FAM91A1: variants seen among roughly 807,000 people sequenced by gnomAD.
FAM91A1 encodes family with sequence similarity 91 member A1.
Under a neutral mutation model 113.5 loss-of-function variants are expected in FAM91A1, and 41 were observed. The observed-to-expected ratio is 0.36, with a 90% CI of 0.28 to 0.47. The LOEUF (loss-of-function observed/expected upper bound fraction) is 0.47. FAM91A1 is among the 20% of genes least tolerant of loss of function. The pLI is 1.00. For synonymous variants in FAM91A1, 307 were observed against 347.9 expected (o/e 0.88, Z 1.31); for missense variants, 696 against 1,001.2 (o/e 0.70, Z 4.11).
Position 123,786,543 on chromosome 8 carries a change from A to G in FAM91A1, c.1011A>G (p.Glu337=), listed in dbSNP as rs76243620. The part of the protein sequence containing the change: ...QKMLLSWDGG[E]SRSPVQEASS... ...TGCTCTTGTCATGGGATGGAGGGGA[A>G]AGTAGGAGTCCTGTACAAGAAGCTT... Residue 337 remains glutamate, a synonymous_variant, in exon 12 of 24, where the codon GAA becomes GAG. Transcript: ENST00000334705. The G allele has an allele frequency of 0.027, 44,094 of 1,613,730 alleles. 767 individuals are homozygous for G. Among genetic ancestry groups the G allele is most frequent in the South Asian group, 0.049 (4,499 of 91,054 alleles).
At chr8:123,789,207 C>T (rs1815325622) in intron 14 of FAM91A1, among the ~76,000 whole-genome samples, 1 of 152,126 alleles carries the variant, frequency 6.6e-6, no homozygotes, top group African/African-American at 2.4e-5. Flanking sequence ...TCACAGACTC[C>T]AGTGTCTCTT....
rs1330648802 is a variant in FAM91A1 at position 123,789,805 on chromosome 8, T to A, written c.1411+60T>A. The stretch of plus-strand genomic sequence containing the variant: ...CATATGAAACTTTTTTCTAAGAAAT[T>A]AAACAGATCATGCTCACTTATATAA... On this transcript the variant is annotated intron_variant, in intron 15 of 23. Transcript: ENST00000334705. 28 of 1,568,746 alleles carry A rather than the reference T, an allele frequency of 1.8e-5. No individual in the cohort carries two copies. In the South Asian group the frequency reaches 2.7e-4, roughly 15 times the overall value.
At chr8:123,797,493 T>G (rs1815557637) in intron 15 of FAM91A1, among the ~76,000 whole-genome samples, 1 of 152,198 alleles carries the variant, frequency 6.6e-6, no homozygotes, top group African/African-American at 2.4e-5. Context: ...CCTCCTCCTC[T>G]TCAGCCTATT....
Position 123,814,253 on chromosome 8 carries a change from AT to A in FAM91A1, c.*1554del. The stretch of plus-strand genomic sequence containing the variant: ...TCTTACGACTCTGAGTCACTCACTT[AT>A]TTTTCCAATAATTGATATTGTACAT... On this transcript the variant is annotated 3_prime_UTR_variant, in exon 24 of 24. Transcript: ENST00000334705. The A allele has an allele frequency of 3.0e-6, 1 of 332,658 alleles. No individual in the cohort carries two copies. The highest frequency in any genetic ancestry group is 5.7e-6 in the Non-Finnish European group (1 of 176,190). The allele number at this position is 332,658 out of a possible 1,614,324, so 20.6% of individuals were successfully genotyped here.
In FAM91A1 at chr8:123,780,774, C is replaced by G. The variant is rs191877236; in HGVS notation, c.703+232C>G. Among the ~76,000 whole-genome samples, 276 of 152,234 alleles carry G rather than the reference C, an allele frequency of 1.8e-3. 1 individual carries two copies. The highest frequency in any genetic ancestry group is 3.4e-3 in the Middle Eastern group (1 of 294). Reference sequence around the variant, plus strand: ...AAACCCAAGGTAAATTTCTAACAATCCCAAATCAAATCAATATTTTTATAA... The same window carrying G: ...AAACCCAAGGTAAATTTCTAACAATGCCAAATCAAATCAATATTTTTATAA... On this transcript the variant is annotated intron_variant, in intron 8 of 23. Transcript: ENST00000334705.
In FAM91A1 at chr8:123,774,100, A is replaced by T. The variant is rs1341480503; in HGVS notation, c.93A>T (p.Arg31Ser). ...CCTAGAGTCTTGGAAATTCACAGAG[A>T]GAATATGAAAAGCAGGTTGTCCTGT... is the stretch of plus-strand genomic sequence containing the variant. ...NVRQSLGNSQ[R>S]EYEKQVVLYS... Residue 31 changes from arginine to serine, a missense_variant, in exon 2 of 24, where the codon AGA becomes AGT. Physicochemically the swap from Arg to Ser is moderately radical, Grantham distance 110. Transcript: ENST00000334705. 5 of 1,607,012 alleles carry T rather than the reference A, an allele frequency of 3.1e-6. No individual in the cohort carries two copies. The highest frequency in any genetic ancestry group is 4.2e-6 in the Non-Finnish European group (5 of 1,177,382).
At chr8:123,789,032 T>C (rs1221121948) in intron 14 of FAM91A1, among the ~76,000 whole-genome samples, 2 of 152,212 alleles carry the variant, frequency 1.3e-5, no homozygotes, top group African/African-American at 4.8e-5. Context: ...TTCAGACTTA[T>C]TCAGAAGAGC....
intron 3 of FAM91A1, 70 bp downstream of exon 3, chr8:123,775,368 T>G: frequency 1.9e-6 from 3 of 1,546,966 alleles, no homozygotes; most frequent in Non-Finnish European, 2.6e-6. Context: ...TTTGCAGATG[T>G]TCACCAGCTC....
chr8:123,804,243 T>C (rs371396491), intron 18 of FAM91A1, among the ~76,000 whole-genome samples: 6 of 152,034 alleles, frequency 3.9e-5, no homozygotes, highest in African/African-American at 1.4e-4. Context: ...CCCAGTACTT[T>C]GGGAGGCTGA....
chr8:123,812,812 G>T lies in FAM91A1; in HGVS notation c.*108G>T. 1.1e-6 allele frequency: 1 copy of T among 926,704 alleles called. No homozygotes were observed. The highest frequency in any genetic ancestry group is 1.5e-6 in the Non-Finnish European group (1 of 663,022). The allele number at this position is 926,704 out of a possible 1,614,324, so 57.4% of individuals were successfully genotyped here. A position where few individuals can be genotyped will look rare whatever the true frequency, so the allele number is the denominator to read the frequency against. On this transcript the variant is annotated 3_prime_UTR_variant, in exon 24 of 24. Transcript: ENST00000334705. ...ATCCTGCTGCTGCAGTGCAATTCTT[G>T]CTTAACTAATATTAAAAGTTGGGGA...
chr8:123,775,414 C>A, intron 3 of FAM91A1, 116 bp downstream of exon 3: 1 of 1,265,532 alleles, frequency 7.9e-7, no homozygotes, highest in Non-Finnish European at 1.1e-6. Flanking sequence ...TCTTTCAGAA[C>A]TTATAGTGTA....
In FAM91A1 at chr8:123,775,284, A is replaced by G. The variant is rs766757469; in HGVS notation, c.295A>G (p.Thr99Ala). 14 of 1,613,716 alleles carry G rather than the reference A, an allele frequency of 8.7e-6. No homozygotes were observed. In the East Asian group the frequency reaches 2.7e-4, roughly 31 times the overall value. Residue 99 changes from threonine (T) to alanine (A), a missense_variant, in exon 3 of 24, where the codon ACT becomes GCT. Physicochemically the swap from Thr to Ala is moderately conservative, Grantham distance 58. Transcript: ENST00000334705. ...GLRITPFSYYTGIMEDIMNSE... is the reference protein window; with the variant it reads ...GLRITPFSYYAGIMEDIMNSE... ...GAGGATAACACCATTTTCATATTATACTGGGATTATGGAGGTGAGTTTACA... is the reference window on the plus strand; with the variant it reads ...GAGGATAACACCATTTTCATATTATGCTGGGATTATGGAGGTGAGTTTACA...
intron 18 of FAM91A1, among the ~76,000 whole-genome samples, chr8:123,801,939 G>A (rs1815692230): frequency 6.6e-6 from 1 of 152,128 alleles, no homozygotes; most frequent in East Asian, 1.9e-4. Flanking sequence ...GGGTCAATAA[G>A]CTGTTCAGTG....
intron 11 of FAM91A1, chr8:123,786,207 TGGAA>T: frequency 2.9e-6 from 1 of 342,138 alleles, no homozygotes; most frequent in Non-Finnish European, 5.4e-6. Flanking sequence ...AGATCTTTTT[TGGAA>T]TATAATGAAA....
rs1816028841 is a variant in FAM91A1, at chr8:123,814,592, T to G, written c.*1888T>G. The G allele has an allele frequency of 6.5e-6, 1 of 153,542 alleles. No homozygotes were observed. Among genetic ancestry groups the G allele is most frequent in the Non-Finnish European group, 1.5e-5 (1 of 68,728 alleles). 9.5% of individuals were successfully genotyped at this position (153,542 alleles called of 1,614,324 possible). A position where few individuals can be genotyped will look rare whatever the true frequency, so the allele number is the denominator to read the frequency against. On this transcript the variant is annotated 3_prime_UTR_variant, in exon 24 of 24. Coordinates refer to ENST00000334705, the MANE Select transcript of FAM91A1 (RefSeq NM_144963.4). ...AGGAGGAAGAAATAGAACCTAATAGTGATCATGAATTTTAGGGAAAGTACC... is the reference window on the plus strand; with the variant it reads ...AGGAGGAAGAAATAGAACCTAATAGGGATCATGAATTTTAGGGAAAGTACC...
intron 9 of FAM91A1, 92 bp downstream of exon 9, chr8:123,784,668 A>C: frequency 1.2e-6 from 1 of 836,716 alleles, no homozygotes; most frequent in Non-Finnish European, 1.8e-6. Context: ...GTATCTTTTT[A>C]AAATCTCCAT....
intron 5 of FAM91A1, 32 bp from the exon 6 acceptor site, chr8:123,778,626 AT>A: frequency 2.0e-6 from 3 of 1,505,622 alleles, no homozygotes; most frequent in Non-Finnish European, 2.8e-6. Flanking sequence ...GTAGTTTTAG[AT>A]TGCAAATTCT....
intron 6 of FAM91A1, 46 bp from the exon 7 acceptor site, chr8:123,779,939 A>T: frequency 6.7e-7 from 1 of 1,499,836 alleles, no homozygotes; most frequent in Non-Finnish European, 9.2e-7. Context: ...CTTGTGAATT[A>T]GTTAATTTGG....
intron 22 of FAM91A1, among the ~76,000 whole-genome samples, chr8:123,809,929 T>C (rs1401762345): frequency 1.3e-5 from 2 of 152,226 alleles, no homozygotes. Context: ...CTTTGGTTGT[T>C]TAAAGGTTGT....
Sources: gnomAD v4.1 joint callset for allele counts (sites outside exome capture counted in the v4.1 genomes callset) on GRCh38, gnomAD v4.1.1 for gene constraint, MANE v1.5 for transcripts, NCBI Gene and HGNC (gene_info 2026-07-23, HGNC 2026-07-21) for gene names.